The following PPP1R12A variants were observed in gnomAD, a reference collection of about 807,000 sequenced individuals.
PPP1R12A encodes myosin binding subunit.
A neutral mutation model predicts 139.6 loss-of-function variants in PPP1R12A; 19 were observed. That is an observed-to-expected ratio of 0.14 (90% CI 0.09 to 0.20). The LOEUF is 0.20. Among genes scored for constraint, PPP1R12A ranks in the 10% least tolerant of loss-of-function variants. The probability of loss-of-function intolerance (pLI) is 1.00; values close to 1 mark genes in which losing one functional copy is unlikely to be tolerated. For synonymous variants in PPP1R12A, 427 were observed against 420.6 expected (o/e 1.02, Z -0.19); for missense variants, 925 against 1,211.5 (o/e 0.76, Z 3.51).
Position 79,845,408 on chromosome 12 carries a change from A to T in PPP1R12A, c.381T>A (p.Gly127=), listed in dbSNP as rs1181131938. The change falls in exon 3 of 25, where the codon GGT becomes GGA. Residue 127 remains glycine (G), a synonymous_variant. Coordinates refer to ENST00000450142, the MANE Select transcript of PPP1R12A (RefSeq NM_002480.3). ...TGACAGCCCCTACATGTGCTCCTTG[A>T]CCAATCAAAAACCTGTAAAACCAAA... ...GYLDIAEFLI[G]QGAHVGAVNS... The T allele has an allele frequency of 1.2e-6, 2 of 1,610,148 alleles. No homozygotes were observed. The highest frequency in any genetic ancestry group is 8.5e-7 in the Non-Finnish European group (1 of 1,177,722).
chr12:79,858,889 T>A (rs1400326589), intron 2 of PPP1R12A, among the ~76,000 whole-genome samples: 1 of 152,150 alleles, frequency 6.6e-6, no homozygotes, highest in Non-Finnish European at 1.5e-5. Flanking sequence ...GCTTCTACCC[T>A]GAATGCAGCA....
At chr12:79,827,500 T>C (rs1183110949) in intron 5 of PPP1R12A, among the ~76,000 whole-genome samples, 1 of 152,060 alleles carries the variant, frequency 6.6e-6, no homozygotes, top group African/African-American at 2.4e-5. Flanking sequence ...TCAAACCCAC[T>C]AGAGGAGACG....
intron 3 of PPP1R12A, among the ~76,000 whole-genome samples, chr12:79,836,381 T>C (rs1428896499): frequency 6.6e-6 from 1 of 152,182 alleles, no homozygotes; most frequent in Non-Finnish European, 1.5e-5. Flanking sequence ...CCTCCTTTCA[T>C]TACAATCTTA....
chr12:79,878,869 T>C (rs1883366131), intron 1 of PPP1R12A, among the ~76,000 whole-genome samples: 1 of 151,812 alleles, frequency 6.6e-6, no homozygotes, highest in Non-Finnish European at 1.5e-5. Flanking sequence ...AAGATGAGAG[T>C]TGGGTGGGAA....
intron 1 of PPP1R12A, among the ~76,000 whole-genome samples, chr12:79,877,967 C>G (rs758611361): frequency 5.3e-5 from 8 of 151,324 alleles, no homozygotes; most frequent in Non-Finnish European, 5.9e-5. Flanking sequence ...TCTTTTAAAC[C>G]GAAAAATATC....
chr12:79,815,405 CT>C (rs1875225340), intron 9 of PPP1R12A, among the ~76,000 whole-genome samples: 1 of 151,838 alleles, frequency 6.6e-6, no homozygotes, highest in South Asian at 2.1e-4. Flanking sequence ...CCTGTGATCC[CT>C]GTTACTCAGT....
Position 79,935,006 on chromosome 12 carries a change from G to A in PPP1R12A, c.-75C>T, listed in dbSNP as rs139803262. The A allele has an allele frequency of 1.8e-5, 27 of 1,487,954 alleles. No individual in the cohort carries two copies. The highest frequency in any genetic ancestry group is 4.2e-5 in the African/African-American group (3 of 72,030). 92.2% of individuals were successfully genotyped at this position (1,487,954 alleles called of 1,614,324 possible). ...GCGGAGAGGGAAGAGAGGGGAGGCA[G>A]GGGGTGTGTGAATGTTTCTATGAGT... On this transcript the variant is annotated 5_prime_UTR_variant, in exon 1 of 25. Coordinates refer to ENST00000450142, the MANE Select transcript of PPP1R12A (RefSeq NM_002480.3).
At chr12:79,805,883 A>G (rs1873767287) in intron 13 of PPP1R12A, 115 bp from the exon 14 acceptor site, 3 of 1,137,320 alleles carry the variant, frequency 2.6e-6, no homozygotes, top group African/African-American at 3.1e-5. Flanking sequence ...TTTAAAACGC[A>G]AGGTGAGACA....
chr12:79,895,685 C>T (rs1003610249), intron 1 of PPP1R12A, among the ~76,000 whole-genome samples: 2 of 152,256 alleles, frequency 1.3e-5, no homozygotes, highest in East Asian at 3.9e-4. Context: ...CTTCCTCTTC[C>T]AGAGAATAGC....
intron 4 of PPP1R12A, 137 bp downstream of exon 4, chr12:79,832,195 T>C: frequency 4.1e-6 from 3 of 733,190 alleles, no homozygotes; most frequent in Non-Finnish European, 4.0e-6. Context: ...GTAGTTTTTC[T>C]CTTTCTTCCT....
intron 14 of PPP1R12A, among the ~76,000 whole-genome samples, chr12:79,804,846 T>C (rs1020507685): frequency 6.6e-6 from 1 of 152,162 alleles, no homozygotes; most frequent in African/African-American, 2.4e-5. Context: ...CAATAAAGCA[T>C]ACAAAAGTAA....
chr12:79,839,312 C>T (rs1878438458), intron 3 of PPP1R12A, among the ~76,000 whole-genome samples: 1 of 152,186 alleles, frequency 6.6e-6, no homozygotes, highest in Admixed American at 6.5e-5. Context: ...ATTTTACAGG[C>T]TCACAGGCAG....
intron 3 of PPP1R12A, among the ~76,000 whole-genome samples, chr12:79,835,248 G>C (rs549557924): frequency 5.1e-4 from 78 of 152,122 alleles, no homozygotes; most frequent in Non-Finnish European, 9.9e-4. Flanking sequence ...AGGCGTGACA[G>C]GCACTGCAGT....
At chr12:79,784,307 C>T (rs1870833823) in intron 22 of PPP1R12A, among the ~76,000 whole-genome samples, 1 of 152,166 alleles carries the variant, frequency 6.6e-6, no homozygotes, top group Non-Finnish European at 1.5e-5. Context: ...GGATGCGATA[C>T]TCAGAGTACC....
At chr12:79,857,438 G>A (rs1418896981) in intron 2 of PPP1R12A, among the ~76,000 whole-genome samples, 1 of 151,488 alleles carries the variant, frequency 6.6e-6, no homozygotes, top group Non-Finnish European at 1.5e-5. Context: ...GTTGTGGGGT[G>A]GGGGGAAGGG....
Position 79,845,391 on chromosome 12 carries a change from C to T in PPP1R12A, c.398G>A (p.Gly133Glu), listed in dbSNP as rs1879255095. 3 of 1,613,372 alleles carry T rather than the reference C, an allele frequency of 1.9e-6. No homozygotes were observed. The highest frequency in any genetic ancestry group is 2.5e-6 in the Non-Finnish European group (3 of 1,179,558). ...TGTATCTCCTTCACTGTTGACAGCC[C>T]CTACATGTGCTCCTTGACCAATCAA... ...EFLIGQGAHV[G>E]AVNSEGDTPL... Residue 133 changes from glycine (G) to glutamate (E), a missense_variant, in exon 3 of 25, where the codon GGG becomes GAG. Transcript: ENST00000450142.
intron 1 of PPP1R12A, among the ~76,000 whole-genome samples, chr12:79,890,907 A>ACACC (rs1884561898): frequency 7.8e-6 from 1 of 127,478 alleles, no homozygotes; most frequent in African/African-American, 3.5e-5. Flanking sequence ...ACACCCACCC[A>ACACC]CACACACACA....
chr12:79,807,022 G>T (rs1800690497), intron 12 of PPP1R12A: 2 of 361,450 alleles, frequency 5.5e-6, no homozygotes, highest in Non-Finnish European at 9.8e-6. Flanking sequence ...AATATTTGAA[G>T]CTTAATTATA....
chr12:79,818,825 G>A (rs1299417120), intron 8 of PPP1R12A: 1 of 152,142 alleles, frequency 6.6e-6, no homozygotes, highest in African/African-American at 2.4e-5. Context: ...CAGCAAAATA[G>A]TTATTTTATG....
Sources: gnomAD v4.1 joint callset for allele counts (sites outside exome capture counted in the v4.1 genomes callset) on GRCh38, gnomAD v4.1.1 for gene constraint, MANE v1.5 for transcripts, NCBI Gene and HGNC (gene_info 2026-07-23, HGNC 2026-07-21) for gene names.